FHIT: variants seen among roughly 807,000 people sequenced by gnomAD.
FHIT encodes the protein fragile histidine triad diadenosine triphosphatase, also known as bis(5'-adenosyl)-triphosphatase.
In FHIT, 19 loss-of-function variants were observed where a neutral mutation model predicts 17.9. The observed-to-expected ratio is 1.06, with a 90% CI of 0.74 to 1.56. The LOEUF is 1.56. Ranked by LOEUF, FHIT falls within the 40% of genes most tolerant of loss-of-function variation. The pLI is 0.00. For synonymous variants in FHIT, 81 were observed against 69.7 expected (o/e 1.16, Z -0.81); for missense variants, 248 against 189.2 (o/e 1.31, Z -1.82).
chr3:60,263,357 G>GAA (rs1433146977), intron 5 of FHIT, among the ~76,000 whole-genome samples: 1 of 151,844 alleles, frequency 6.6e-6, no homozygotes, highest in Non-Finnish European at 1.5e-5. Flanking sequence ...ATGCATCCAA[G>GAA]AAAAATGCAA....
At chr3:60,926,382 A>G (rs1707614522) in intron 3 of FHIT, among the ~76,000 whole-genome samples, 1 of 152,248 alleles carries the variant, frequency 6.6e-6, no homozygotes, top group Non-Finnish European at 1.5e-5. Flanking sequence ...CAATCAAACT[A>G]GAACTCAGGA....
chr3:61,121,517 C>G (rs1025465770), intron 2 of FHIT, among the ~76,000 whole-genome samples: 15 of 152,074 alleles, frequency 9.9e-5, no homozygotes, highest in African/African-American at 3.6e-4. Flanking sequence ...GAAATAAAAT[C>G]CTTTATGGAC....
At chr3:60,720,496 A>T (rs182567988) in intron 4 of FHIT, among the ~76,000 whole-genome samples, 12 of 152,346 alleles carry the variant, frequency 7.9e-5, no homozygotes, top group Non-Finnish European at 1.2e-4. Flanking sequence ...TACTTAATGC[A>T]GTACCAATGG....
At chr3:61,221,074 A>G (rs921840600) in intron 1 of FHIT, among the ~76,000 whole-genome samples, 1 of 151,428 alleles carries the variant, frequency 6.6e-6, no homozygotes, top group African/African-American at 2.4e-5. Context: ...AGAGTCACAG[A>G]CAAATCAAAT....
chr3:60,404,421 G>A (rs755138665), intron 5 of FHIT, among the ~76,000 whole-genome samples: 7 of 151,994 alleles, frequency 4.6e-5, no homozygotes, highest in African/African-American at 9.7e-5. Flanking sequence ...CAGTTGTCTC[G>A]GGATGTGACA....
intron 5 of FHIT, among the ~76,000 whole-genome samples, chr3:60,370,249 C>T (rs1047509399): frequency 1.3e-5 from 2 of 152,104 alleles, no homozygotes; most frequent in Non-Finnish European, 2.9e-5. Context: ...AAGCCCAATT[C>T]AGTTAGAACT....
intron 5 of FHIT, among the ~76,000 whole-genome samples, chr3:60,036,544 T>A (rs1468235842): frequency 6.6e-6 from 1 of 152,212 alleles, no homozygotes; most frequent in Non-Finnish European, 1.5e-5. Flanking sequence ...CTTTATTTTT[T>A]CTTATTTATA....
At chr3:60,514,545 T>G (rs1469444045) in intron 5 of FHIT, among the ~76,000 whole-genome samples, 2 of 152,178 alleles carry the variant, frequency 1.3e-5, no homozygotes, top group Admixed American at 1.3e-4. Flanking sequence ...CATGCAGGGC[T>G]TAACACCAGG....
At chr3:60,958,783 T>G (rs1473492743) in intron 3 of FHIT, among the ~76,000 whole-genome samples, 2 of 152,250 alleles carry the variant, frequency 1.3e-5, no homozygotes, top group Non-Finnish European at 2.9e-5. Context: ...AGACAATGTT[T>G]TATCTTGAAC....
At chr3:59,963,587 C>T (rs78599405) in intron 7 of FHIT, among the ~76,000 whole-genome samples, 11 of 152,110 alleles carry the variant, frequency 7.2e-5, no homozygotes, top group African/African-American at 2.2e-4. Flanking sequence ...ACATGTTTCA[C>T]GTATCCAAGT....
intron 3 of FHIT, among the ~76,000 whole-genome samples, chr3:60,972,548 T>C (rs1361994729): frequency 1.3e-5 from 2 of 151,770 alleles, no homozygotes; most frequent in Non-Finnish European, 2.9e-5. Context: ...TGCCTCCATA[T>C]TTTATTTGGC....
intron 5 of FHIT, among the ~76,000 whole-genome samples, chr3:60,478,134 G>A (rs544976074): frequency 2.0e-5 from 3 of 152,166 alleles, no homozygotes; most frequent in Admixed American, 6.5e-5. Flanking sequence ...CACTGGATAA[G>A]CGCCCTATTT....
chr3:59,897,154 C>T (rs1704108723), intron 8 of FHIT, among the ~76,000 whole-genome samples: 1 of 152,206 alleles, frequency 6.6e-6, no homozygotes, highest in African/African-American at 2.4e-5. Flanking sequence ...TACACCACAG[C>T]TGAGTCTAAA....
intron 8 of FHIT, among the ~76,000 whole-genome samples, chr3:59,820,843 C>A (rs1244678133): frequency 1.3e-5 from 2 of 152,102 alleles, no homozygotes; most frequent in African/African-American, 4.8e-5. Flanking sequence ...ACAACACAGG[C>A]AGAAGCACAG....
intron 5 of FHIT, among the ~76,000 whole-genome samples, chr3:60,227,470 T>A (rs1704267018): frequency 6.6e-6 from 1 of 152,284 alleles, no homozygotes. Flanking sequence ...GTGTTATGTT[T>A]TCATTATTTA....
chr3:60,412,641 G>T (rs990600761), intron 5 of FHIT, among the ~76,000 whole-genome samples: 33 of 152,044 alleles, frequency 2.2e-4, no homozygotes, highest in African/African-American at 7.7e-4. Flanking sequence ...CCCATTTGCA[G>T]ATGGGCAAAC....
chr3:61,103,882 CT>C (rs547850620), intron 2 of FHIT, among the ~76,000 whole-genome samples: 12 of 149,112 alleles, frequency 8.0e-5, no homozygotes, highest in African/African-American at 2.2e-4. Context: ...TCAACCCCTG[CT>C]TTTTTTTCTT....
intron 5 of FHIT, among the ~76,000 whole-genome samples, chr3:60,254,106 TATC>T (rs145618205): frequency 0.018 from 2,689 of 152,212 alleles, 37 homozygotes; most frequent in Non-Finnish European, 0.025. Context: ...CACTCAGCAA[TATC>T]ATCATCATTT....
chr3:60,480,335 GCCAAA>G (rs970769736), intron 5 of FHIT, among the ~76,000 whole-genome samples: 4 of 152,158 alleles, frequency 2.6e-5, no homozygotes, highest in Admixed American at 6.5e-5. Context: ...TGGCAAGACA[GCCAAA>G]CCAAATCATT....
Sources: allele counts gnomAD v4.1 joint callset (sites outside exome capture counted in the v4.1 genomes callset), GRCh38; gene constraint gnomAD v4.1.1; transcripts MANE v1.5; gene names NCBI Gene and HGNC (gene_info 2026-07-23, HGNC 2026-07-21).